GDA: variants seen among roughly 807,000 people sequenced by gnomAD.
The protein encoded by GDA is cytoplasmic PSD-95 interactor.
In GDA, 18 loss-of-function variants were observed where a neutral mutation model predicts 59.6. The ratio of observed to expected loss-of-function variants is 0.30; its 90% CI spans 0.21 to 0.45. The LOEUF is 0.45. GDA is among the 20% of genes least tolerant of loss of function. GDA has a pLI of 1.00. For synonymous variants in GDA, 201 were observed against 201.1 expected, an observed-to-expected ratio of 1.00 and a Z score of 0.00; for missense variants, 427 against 552.3, an observed-to-expected ratio of 0.77 and a Z score of 2.27.
At chr9:72,122,664 C>CACAG (rs1825704300) in intron 1 of GDA, among the ~76,000 whole-genome samples, 1 of 151,556 alleles carries the variant, frequency 6.6e-6, no homozygotes, top group East Asian at 2.0e-4. Flanking sequence ...CACACACACA[C>CACAG]AGACACCTGA....
At chr9:72,228,605 T>C (rs1837902814) in intron 9 of GDA, 1 of 152,974 alleles carries the variant, frequency 6.5e-6, no homozygotes, top group Non-Finnish European at 1.5e-5. Context: ...TGAAAGTTAT[T>C]GCCTGGGCGC....
At chr9:72,168,626 T>A (rs1829603996) in intron 1 of GDA, among the ~76,000 whole-genome samples, 1 of 152,034 alleles carries the variant, frequency 6.6e-6, no homozygotes, top group Non-Finnish European at 1.5e-5. Context: ...CTCCTGGCTT[T>A]AAGTGATCTG....
chr9:72,135,842 G>A (rs1016429729), intron 1 of GDA, among the ~76,000 whole-genome samples: 14 of 151,832 alleles, frequency 9.2e-5, no homozygotes, highest in South Asian at 8.3e-4. Context: ...AACTCCTGAC[G>A]TCAGGTGATT....
At chr9:72,180,123 C>T (rs926249195) in intron 1 of GDA, among the ~76,000 whole-genome samples, 82 of 152,124 alleles carry the variant, frequency 5.4e-4, no homozygotes, top group African/African-American at 1.9e-3. Context: ...CTTTGGGAGG[C>T]CAAGAGGAGC....
intron 1 of GDA, among the ~76,000 whole-genome samples, chr9:72,158,276 T>C (rs1828173479): frequency 6.6e-6 from 1 of 152,146 alleles, no homozygotes; most frequent in Non-Finnish European, 1.5e-5. Flanking sequence ...CTGACATAGC[T>C]GAACCTCAGC....
At chr9:72,135,082 C>A (rs768694339) in intron 1 of GDA, among the ~76,000 whole-genome samples, 27 of 152,164 alleles carry the variant, frequency 1.8e-4, no homozygotes, top group Non-Finnish European at 3.5e-4. Flanking sequence ...CTACTCCACT[C>A]ATTTTTTTCT....
At chr9:72,129,186 A>C (rs1464489588) in intron 1 of GDA, among the ~76,000 whole-genome samples, 1 of 152,094 alleles carries the variant, frequency 6.6e-6, no homozygotes, top group African/African-American at 2.4e-5. Context: ...TGGTCTTGAA[A>C]TCCTGACCTC....
intron 2 of GDA, among the ~76,000 whole-genome samples, chr9:72,196,633 G>T (rs976659266): frequency 2.0e-5 from 3 of 151,982 alleles, no homozygotes; most frequent in Non-Finnish European, 4.4e-5. Flanking sequence ...GTGCAGGTTT[G>T]TTACACAGGT....
chr9:72,227,445 A>G (rs1322872176), intron 8 of GDA, among the ~76,000 whole-genome samples: 1 of 151,486 alleles, frequency 6.6e-6, no homozygotes, highest in Non-Finnish European at 1.5e-5. Context: ...AGCTAGGAGC[A>G]GAAATAAAGA....
intron 3 of GDA, among the ~76,000 whole-genome samples, chr9:72,206,836 T>A (rs1834780629): frequency 1.3e-5 from 2 of 152,138 alleles, no homozygotes. Context: ...GCTACTTGGA[T>A]CCCTGTCTTC....
chr9:72,254,396 G>GT (rs1036726184), downstream of GDA, among the ~76,000 whole-genome samples: 3 of 151,720 alleles, frequency 2.0e-5, no homozygotes, highest in African/African-American at 7.3e-5. Context: ...TTCTTCAATG[G>GT]TAACTAAAAA....
chr9:72,247,684 G>A (rs1215553007), intron 13 of GDA, among the ~76,000 whole-genome samples: 1 of 152,162 alleles, frequency 6.6e-6, no homozygotes, highest in Non-Finnish European at 1.5e-5. Flanking sequence ...GGCCAAAGGT[G>A]AAGAGATCTT....
chr9:72,253,382 T>A (rs1462939285), downstream of GDA: 1 of 152,092 alleles, frequency 6.6e-6, no homozygotes, highest in African/African-American at 2.4e-5. Flanking sequence ...ATCCCCTAGG[T>A]ATGAAACCCA....
At chr9:72,253,960 T>TA (rs900914793), downstream of GDA, among the ~76,000 whole-genome samples, 18 of 150,988 alleles carry the variant, frequency 1.2e-4, no homozygotes, top group Middle Eastern at 3.4e-3. Context: ...ATAGTAATAA[T>TA]AAAAAAAAAG....
At chr9:72,192,219 T>C (rs370732582) in intron 1 of GDA, among the ~76,000 whole-genome samples, 77 of 136,702 alleles carry the variant, frequency 5.6e-4, no homozygotes, top group African/African-American at 1.9e-3. Flanking sequence ...TATTTTCAAA[T>C]AGCCTTTTTT....
chr9:72,170,639 C>T (rs191296127), intron 1 of GDA, among the ~76,000 whole-genome samples: 204 of 152,192 alleles, frequency 1.3e-3, no homozygotes, highest in African/African-American at 4.6e-3. Flanking sequence ...TCCTGATAAC[C>T]TTTGCATTTT....
At chr9:72,153,271 CG>C (rs1202947654) in intron 1 of GDA, among the ~76,000 whole-genome samples, 2 of 151,776 alleles carry the variant, frequency 1.3e-5, no homozygotes, top group Admixed American at 1.3e-4. Context: ...CTTGGTGATG[CG>C]GGCTCTTTTT....
chr9:72,180,253 A>C (rs1481449543), intron 1 of GDA, among the ~76,000 whole-genome samples: 2 of 152,156 alleles, frequency 1.3e-5, no homozygotes, highest in African/African-American at 4.8e-5. Flanking sequence ...GCCACTGAGG[A>C]GGCTGAGGCA....
intron 1 of GDA, among the ~76,000 whole-genome samples, chr9:72,155,388 G>A (rs1341492932): frequency 6.6e-6 from 1 of 152,186 alleles, no homozygotes; most frequent in Non-Finnish European, 1.5e-5. Context: ...GGAATTAGGG[G>A]AGTACAATTC....
Sources: allele counts gnomAD v4.1 joint callset (sites outside exome capture counted in the v4.1 genomes callset), GRCh38; gene constraint gnomAD v4.1.1; transcripts MANE v1.5; gene names NCBI Gene and HGNC (gene_info 2026-07-23, HGNC 2026-07-21).